CCDC63: variants seen among roughly 807,000 people sequenced by gnomAD.
The protein encoded by CCDC63 is coiled-coil domain containing 63.
Under a neutral mutation model 63.6 loss-of-function variants are expected in CCDC63, and 54 were observed. The observed-to-expected ratio is 0.85, with a 90% CI of 0.68 to 1.07. The LOEUF is 1.07. Ranked by LOEUF, CCDC63 falls within the 50% of genes least tolerant of loss-of-function variation. The pLI is 0.00. For synonymous variants in CCDC63, 253 were observed against 266.1 expected, an observed-to-expected ratio of 0.95 and a Z score of 0.48; for missense variants, 637 against 689.6, an observed-to-expected ratio of 0.92 and a Z score of 0.86.
rs560986617 is a variant in CCDC63, at chr12:110,895,094, T to A, written c.1149+1944T>A. On this transcript the variant is annotated intron_variant, in intron 9 of 11. Coordinates refer to ENST00000308208, the MANE Select transcript of CCDC63 (RefSeq NM_152591.3). ...ATGCCGAGATAACTTTAATTTTTAATTTATTTTTTAATTTTAATTAATTAA... is the reference window on the plus strand; with the variant it reads ...ATGCCGAGATAACTTTAATTTTTAAATTATTTTTTAATTTTAATTAATTAA... 2.8e-4 allele frequency among the ~76,000 whole-genome samples: 43 copies of A among 151,392 alleles called. No homozygotes were observed. The East Asian group carries it at 4.1e-3, about 14-fold the overall frequency.
At chr12:110,903,932 C>T (rs1042348766) in intron 10 of CCDC63, among the ~76,000 whole-genome samples, 5 of 152,182 alleles carry the variant, frequency 3.3e-5, no homozygotes, top group Non-Finnish European at 5.9e-5. Flanking sequence ...ACCTTCTTTT[C>T]GTCATCATCC....
intron 10 of CCDC63, among the ~76,000 whole-genome samples, chr12:110,902,722 A>G (rs900334356): frequency 6.6e-6 from 1 of 151,824 alleles, no homozygotes; most frequent in Non-Finnish European, 1.5e-5. Flanking sequence ...TTATTTATTT[A>G]TTTATTATTT....
rs200140147 is a variant in CCDC63 at position 110,858,654 on chromosome 12, C to T, written c.248C>T (p.Ser83Leu). Residue 83 changes from serine (S) to leucine (L), a missense_variant, in exon 4 of 12, where the codon TCG (serine) becomes TTG (leucine). Physicochemically the swap from Ser to Leu is moderately radical, Grantham distance 145 (BLOSUM62 -2). Coordinates refer to ENST00000308208, the MANE Select transcript of CCDC63 (RefSeq NM_152591.3). ...ITLLLSLMKS[S>L]RNMNRSEKNY... ...CTACTGTTGAGTCTCATGAAATCCT[C>T]GAGGAACATGAATCGGAGTGAGAAG... The T allele has an allele frequency of 1.4e-4, 220 of 1,614,016 alleles. No individual in the cohort carries two copies. The highest frequency in any genetic ancestry group is 1.7e-4 in the Non-Finnish European group (205 of 1,179,998).
At chr12:110,905,609 C>T (rs1041665181) in intron 11 of CCDC63, among the ~76,000 whole-genome samples, 3 of 151,638 alleles carry the variant, frequency 2.0e-5, no homozygotes, top group Non-Finnish European at 2.9e-5. Flanking sequence ...CCAGCTCATC[C>T]ACCCATGCAG....
At chr12:110,857,526 A>G (rs945635486) in intron 3 of CCDC63, among the ~76,000 whole-genome samples, 1 of 152,194 alleles carries the variant, frequency 6.6e-6, no homozygotes, top group Non-Finnish European at 1.5e-5. Context: ...AATTGGTCTC[A>G]GGTTGGGCAC....
At chr12:110,884,505 G>C (rs2071252669) in intron 8 of CCDC63, among the ~76,000 whole-genome samples, 1 of 151,948 alleles carries the variant, frequency 6.6e-6, no homozygotes, top group African/African-American at 2.4e-5. Flanking sequence ...TCAGCCTCCT[G>C]AGTAGCTTGG....
chr12:110,844,569 C>T (rs1256219677), upstream of CCDC63, among the ~76,000 whole-genome samples: 1 of 152,222 alleles, frequency 6.6e-6, no homozygotes, highest in Non-Finnish European at 1.5e-5. Flanking sequence ...AGGCCACTGT[C>T]AGTTGCACGC....
intron 10 of CCDC63, 117 bp from the exon 11 acceptor site, chr12:110,904,471 T>TCCCGCA (rs2071531615): frequency 1.2e-6 from 1 of 811,414 alleles, no homozygotes; most frequent in Non-Finnish European, 2.1e-6. Flanking sequence ...AGAGCCCAGA[T>TCCCGCA]CCCGCACCTC....
intron 8 of CCDC63, among the ~76,000 whole-genome samples, chr12:110,888,450 C>T (rs542260628): frequency 1.1e-4 from 17 of 152,300 alleles, no homozygotes; most frequent in Middle Eastern, 3.4e-3. Context: ...GTAAGCGCTG[C>T]CCTCTCTGGG....
At chr12:110,881,856 T>C (rs1445271882) in intron 7 of CCDC63, among the ~76,000 whole-genome samples, 13 of 152,238 alleles carry the variant, frequency 8.5e-5, no homozygotes, top group Non-Finnish European at 1.5e-5. Flanking sequence ...ATATTTATAC[T>C]TAAAAATATA....
At chr12:110,880,906 T>C (rs1345150022) in intron 6 of CCDC63, among the ~76,000 whole-genome samples, 2 of 151,724 alleles carry the variant, frequency 1.3e-5, no homozygotes, top group East Asian at 3.9e-4. Context: ...ATGATGATGA[T>C]AATGATGGAA....
intron 4 of CCDC63, among the ~76,000 whole-genome samples, chr12:110,862,353 G>C (rs763590313): frequency 6.6e-5 from 10 of 152,204 alleles, no homozygotes; most frequent in Non-Finnish European, 1.5e-4. Flanking sequence ...GTCCTCACAG[G>C]AGGTCACTGG....
In CCDC63 at chr12:110,880,105, C is replaced by A; in HGVS notation, c.671+18C>A. On this transcript the variant is annotated intron_variant, in intron 6 of 11. Coordinates refer to ENST00000308208, the MANE Select transcript of CCDC63 (RefSeq NM_152591.3). ...GAGCAGAGGTGGGCTGGGGATAGGT[C>A]CAGGGGCAGCGAGGTCTCTTAGCCC... is the stretch of plus-strand genomic sequence containing the variant. The A allele has an allele frequency of 6.2e-7, 1 of 1,609,604 alleles. No homozygotes were observed. The highest frequency in any genetic ancestry group is 1.1e-5 in the South Asian group (1 of 90,848).
chr12:110,877,708 C>CT (rs1317962661), intron 5 of CCDC63, among the ~76,000 whole-genome samples: 227 of 90,684 alleles, frequency 2.5e-3, no homozygotes, highest in South Asian at 3.3e-3. Context: ...TTCTTTCTTT[C>CT]TTTTTTTTTT....
chr12:110,861,505 T>C (rs928314548), intron 4 of CCDC63, among the ~76,000 whole-genome samples: 18 of 152,118 alleles, frequency 1.2e-4, no homozygotes, highest in African/African-American at 3.9e-4. Flanking sequence ...CTATTCCCTC[T>C]GCCTGGAGTG....
At chr12:110,901,069 G>A (rs927507847) in intron 10 of CCDC63, among the ~76,000 whole-genome samples, 1 of 152,196 alleles carries the variant, frequency 6.6e-6, no homozygotes, top group African/African-American at 2.4e-5. Flanking sequence ...GCAAAGCAAT[G>A]TGTTAGTGTG....
rs569730344 is a variant in CCDC63, at chr12:110,902,711, A to ATTAT, written c.1343-1863_1343-1860dup. ...ATGATAGCAAATTTTGGTTGCCAAT[A>ATTAT]TTATTTATTTATTTATTATTTTTTG... On this transcript the variant is annotated intron_variant, in intron 10 of 11. Transcript: ENST00000308208. Among the ~76,000 whole-genome samples the ATTAT allele has an allele frequency of 6.1e-4, 92 of 151,992 alleles. No homozygotes were observed. The South Asian group carries it at 0.019, about 31-fold the overall frequency.
chr12:110,898,139 G>T (rs896485392), intron 9 of CCDC63, among the ~76,000 whole-genome samples: 2 of 151,768 alleles, frequency 1.3e-5, no homozygotes, highest in Non-Finnish European at 2.9e-5. Flanking sequence ...AAAATTAGCT[G>T]GGCATGGTGG....
At chr12:110,892,400 A>AC (rs139183566) in intron 8 of CCDC63, among the ~76,000 whole-genome samples, 9,723 of 151,414 alleles carry the variant, frequency 0.064, 449 homozygotes, top group East Asian at 0.21. Context: ...ACATAGTGAG[A>AC]CCCCCCATCT....
Sources: allele counts gnomAD v4.1 joint callset (sites outside exome capture counted in the v4.1 genomes callset), GRCh38; gene constraint gnomAD v4.1.1; transcripts MANE v1.5; gene names NCBI Gene and HGNC (gene_info 2026-07-23, HGNC 2026-07-21).